Variants in HACL1 observed in about 807,000 individuals in gnomAD.
HACL1 encodes 1600020H07Rik.
In HACL1, 64 loss-of-function variants were observed where a neutral mutation model predicts 74.2. The ratio of observed to expected loss-of-function variants is 0.86; its 90% CI spans 0.70 to 1.06. The LOEUF (loss-of-function observed/expected upper bound fraction) is 1.06. HACL1 is among the 50% of genes least tolerant of loss of function. HACL1 has a pLI of 0.00. For missense variants in HACL1, 728 were observed against 719.7 expected (o/e 1.01, Z -0.13); for synonymous variants, 230 against 238.8 (o/e 0.96, Z 0.34).
chr3:15,601,020 T>C (rs1035994531), intron 2 of HACL1, 70 bp downstream of exon 2: 4 of 905,270 alleles, frequency 4.4e-6, no homozygotes, highest in Non-Finnish European at 5.6e-6. Flanking sequence ...TCTGGGTGTT[T>C]GCAATGCATA....
Position 15,568,421 on chromosome 3 carries a change from A to G in HACL1, c.1250+11T>C. ...ATGAATTACGACTTCTTTCTTCTTTAGAAGTCTTACCTGTGACGAGGAAGG... is the reference window on the plus strand; with the variant it reads ...ATGAATTACGACTTCTTTCTTCTTTGGAAGTCTTACCTGTGACGAGGAAGG... On this transcript the variant is annotated intron_variant, in intron 13 of 16. Transcript: ENST00000321169. 2 of 1,526,830 alleles carry G rather than the reference A, an allele frequency of 1.3e-6. No individual in the cohort carries two copies. Among genetic ancestry groups the G allele is most frequent in the Non-Finnish European group, 1.8e-6 (2 of 1,120,164 alleles). The allele number at this position is 1,526,830 out of a possible 1,614,324, so 94.6% of individuals were successfully genotyped here.
intron 4 of HACL1, among the ~76,000 whole-genome samples, chr3:15,590,666 A>C (rs1418976280): frequency 6.6e-6 from 1 of 152,264 alleles, no homozygotes; most frequent in Non-Finnish European, 1.5e-5. Context: ...AAGGTGAAAA[A>C]TTAGCCACAT....
intron 15 of HACL1, 58 bp downstream of exon 15, chr3:15,564,493 T>C (rs781144590): frequency 4.0e-5 from 32 of 799,460 alleles, no homozygotes; most frequent in Non-Finnish European, 6.6e-5. Flanking sequence ...GAAGACTTTT[T>C]AAAAAGAGAT....
At chr3:15,596,877 G>C (rs1446979740) in intron 2 of HACL1, among the ~76,000 whole-genome samples, 1 of 151,890 alleles carries the variant, frequency 6.6e-6, no homozygotes, top group Non-Finnish European at 1.5e-5. Flanking sequence ...TATTATTTCA[G>C]TCATTTTGAA....
At chr3:15,570,892 C>T (rs1009636521) in intron 12 of HACL1, among the ~76,000 whole-genome samples, 22 of 151,568 alleles carry the variant, frequency 1.5e-4, no homozygotes, top group Admixed American at 1.2e-3. Flanking sequence ...TATAATAGCA[C>T]GCCCTGAAGG....
intron 14 of HACL1, among the ~76,000 whole-genome samples, chr3:15,565,554 G>A (rs1303858997): frequency 1.3e-5 from 2 of 152,190 alleles, no homozygotes; most frequent in Admixed American, 1.3e-4. Context: ...TTGATTAAAT[G>A]TTATTGACTG....
chr3:15,580,027 G>C lies in HACL1; in HGVS notation c.686C>G (p.Ala229Gly). ...IIGKGAAYAH[A>G]EESIKKLVEQ... Reference sequence around the variant, plus strand: ...CACCAATTTCTTGATACTCTCTTCTGCATGAGCGTAAGCAGCACCTATAAG... The same window carrying C: ...CACCAATTTCTTGATACTCTCTTCTCCATGAGCGTAAGCAGCACCTATAAG... The change falls in exon 9 of 17, where the codon GCA (alanine) becomes GGA (glycine). Residue 229 changes from alanine to glycine, a missense_variant. Transcript: ENST00000321169. The C allele has an allele frequency of 6.2e-7, 1 of 1,611,786 alleles. No individual in the cohort carries two copies. The highest frequency in any genetic ancestry group is 8.5e-7 in the Non-Finnish European group (1 of 1,177,976).
chr3:15,570,236 G>T (rs951418895), intron 12 of HACL1, among the ~76,000 whole-genome samples: 2 of 151,632 alleles, frequency 1.3e-5, no homozygotes, highest in Non-Finnish European at 2.9e-5. Context: ...TTGGGAGGCT[G>T]ATGCAGGAGA....
intron 12 of HACL1, among the ~76,000 whole-genome samples, chr3:15,571,030 T>C (rs1360637462): frequency 6.6e-6 from 1 of 151,928 alleles, no homozygotes; most frequent in Non-Finnish European, 1.5e-5. Context: ...CAGGCTTGAG[T>C]GCAGTGGCAT....
chr3:15,600,317 T>C (rs990270969), intron 2 of HACL1, among the ~76,000 whole-genome samples: 4 of 152,126 alleles, frequency 2.6e-5, no homozygotes, highest in Non-Finnish European at 5.9e-5. Flanking sequence ...AAGGCAACGG[T>C]GGGAGTGTAA....
intron 2 of HACL1, among the ~76,000 whole-genome samples, chr3:15,599,961 TGAAA>T (rs2064157059): frequency 6.6e-6 from 1 of 152,092 alleles, no homozygotes; most frequent in African/African-American, 2.4e-5. Flanking sequence ...TTCACACAGA[TGAAA>T]GAACAGAATG....
intron 14 of HACL1, among the ~76,000 whole-genome samples, chr3:15,565,027 T>A (rs1215256355): frequency 6.6e-6 from 1 of 152,118 alleles, no homozygotes; most frequent in African/African-American, 2.4e-5. Context: ...TAGCTGTGCA[T>A]GGTGGCATGT....
chr3:15,560,962 G>T, intron 16 of HACL1, 65 bp from the exon 17 acceptor site: 1 of 1,197,466 alleles, frequency 8.4e-7, no homozygotes, highest in Non-Finnish European at 1.2e-6. Context: ...TATCCTCATT[G>T]TTTCACTTGT....
At chr3:15,573,466 A>G (rs1275781741) in intron 10 of HACL1, among the ~76,000 whole-genome samples, 1 of 152,206 alleles carries the variant, frequency 6.6e-6, no homozygotes, top group African/African-American at 2.4e-5. Context: ...AATCTACTCT[A>G]TGGAATTTTG....
Position 15,598,537 on chromosome 3 carries a change from T to C in HACL1, c.187-2113A>G, listed in dbSNP as rs184021748. ...ATGAAAATAATTCAAAGCACTGCTG[T>C]GAGGATGAAATCAGTTCGTATGTGT... On this transcript the variant is annotated intron_variant, in intron 2 of 16. Transcript: ENST00000321169. 1.6e-3 allele frequency among the ~76,000 whole-genome samples: 248 copies of C among 152,334 alleles called. 5 individuals carry two copies. The highest frequency in any genetic ancestry group is 2.9e-4 in the Non-Finnish European group (20 of 68,026).
chr3:15,561,189 G>C (rs2063341112), intron 16 of HACL1, among the ~76,000 whole-genome samples: 2 of 152,238 alleles, frequency 1.3e-5, no homozygotes, highest in Admixed American at 1.3e-4. Context: ...AAGGAGAAGG[G>C]AGATGAAGGA....
chr3:15,591,422 T>C (rs1361985575), intron 4 of HACL1, among the ~76,000 whole-genome samples, 178 bp downstream of exon 4: 1 of 152,126 alleles, frequency 6.6e-6, no homozygotes, highest in Non-Finnish European at 1.5e-5. Flanking sequence ...CCTATCTCCC[T>C]ATTCCCCCTC....
intron 11 of HACL1, 126 bp downstream of exon 11, chr3:15,573,033 C>T (rs1048085398): frequency 3.3e-6 from 2 of 599,774 alleles, no homozygotes; most frequent in Non-Finnish European, 6.0e-6. Flanking sequence ...AGTTTTCAAT[C>T]ATACATTTTG....
intron 2 of HACL1, among the ~76,000 whole-genome samples, chr3:15,597,114 C>T (rs1190755194): frequency 1.3e-5 from 2 of 152,172 alleles, no homozygotes; most frequent in East Asian, 3.8e-4. Flanking sequence ...AGTGATACCT[C>T]CTTTTTCATT....
Sources: gnomAD v4.1 joint callset for allele counts (sites outside exome capture counted in the v4.1 genomes callset) on GRCh38, gnomAD v4.1.1 for gene constraint, MANE v1.5 for transcripts, NCBI Gene and HGNC (gene_info 2026-07-23, HGNC 2026-07-21) for gene names.